ERP44: variants seen among roughly 807,000 people sequenced by gnomAD.
ERP44 encodes the protein endoplasmic reticulum resident protein 44.
A neutral mutation model predicts 53.4 loss-of-function variants in ERP44; 25 were observed. The ratio of observed to expected loss-of-function variants is 0.47; its 90% confidence interval spans 0.34 to 0.65. The LOEUF (loss-of-function observed/expected upper bound fraction) is 0.65. ERP44 is among the 30% of genes least tolerant of loss of function. The probability of loss-of-function intolerance (pLI) is 0.01; values close to 1 mark genes in which losing one functional copy is unlikely to be tolerated. For synonymous variants in ERP44, 145 were observed against 161.2 expected, an observed-to-expected ratio of 0.90 and a Z score of 0.76; for missense variants, 338 against 493.2, an observed-to-expected ratio of 0.69 and a Z score of 2.98.
intron 8 of ERP44, among the ~76,000 whole-genome samples, chr9:100,014,421 A>G (rs1280823292): frequency 6.6e-6 from 1 of 152,070 alleles, no homozygotes; most frequent in East Asian, 1.9e-4. Context: ...AGTAGCTGGG[A>G]TTACAGGCGC....
chr9:99,991,312 C>G lies in ERP44; in HGVS notation c.1017-6243G>C, dbSNP rs140934733. On this transcript the variant is annotated intron_variant, in intron 10 of 11. Coordinates refer to ENST00000262455, the MANE Select transcript of ERP44 (RefSeq NM_015051.3). ...ATAAAAGAACAGAAATCACAGCAAA[C>G]TGTCTCTCAGACCACAGTGCAATTA... Among the ~76,000 whole-genome samples the G allele has an allele frequency of 8.1e-3, 1,224 of 151,592 alleles. 20 individuals carry two copies. The highest frequency in any genetic ancestry group is 0.028 in the African/African-American group (1,161 of 41,386).
intron 6 of ERP44, 99 bp from the exon 7 acceptor site, chr9:100,018,412 T>A: frequency 1.3e-6 from 1 of 767,052 alleles, no homozygotes. Flanking sequence ...TCTTCCCTAT[T>A]ACAAGACTAT....
In ERP44 at chr9:100,060,117, T is replaced by G; in HGVS notation, c.113A>C (p.Asn38Thr). ...TTEITSLDTENIDEILNNADV... is the reference protein window; with the variant it reads ...TTEITSLDTETIDEILNNADV... ...GTACTTACTTAAAATTTCATCTATA[T>G]TCTCTGTATCAAGACTTGTTATTTC... is the stretch of plus-strand genomic sequence containing the variant. Residue 38 changes from asparagine (N) to threonine (T), a missense_variant, in exon 2 of 12, where the codon AAT (asparagine) becomes ACT (threonine). Around this residue, in one of 3 missense-constraint regions of ERP44, gnomAD observed 224 missense variants for 301.4 expected, o/e 0.74. Coordinates refer to ENST00000262455, the MANE Select transcript of ERP44 (RefSeq NM_015051.3). 6.7e-7 allele frequency: 1 copy of G among 1,487,096 alleles called. No individual in the cohort carries two copies. The highest frequency in any genetic ancestry group is 8.9e-7 in the Non-Finnish European group (1 of 1,119,954). The allele number at this position is 1,487,096 out of a possible 1,614,324, so 92.1% of individuals were successfully genotyped here.
At chr9:100,031,316 T>C (rs867324170) in intron 4 of ERP44, among the ~76,000 whole-genome samples, 1 of 152,212 alleles carries the variant, frequency 6.6e-6, no homozygotes, top group African/African-American at 2.4e-5. Context: ...TTGGGGTCCA[T>C]GTCATAGTTT....
In ERP44 at chr9:99,980,536, T is replaced by C. The variant is rs906654552; in HGVS notation, c.*2076A>G. The C allele has an allele frequency of 2.6e-5, 4 of 152,546 alleles. No individual in the cohort carries two copies. Among genetic ancestry groups the C allele is most frequent in the African/African-American group, 9.6e-5 (4 of 41,482 alleles). 9.4% of individuals were successfully genotyped at this position (152,546 alleles called of 1,614,324 possible). A position where few individuals can be genotyped will look rare whatever the true frequency, so the allele number is the denominator to read the frequency against. Reference sequence around the variant, plus strand: ...CTTTCATCCAAGCACTTGAGCTTAGTGACTTTTTATAAAATTAGGCACCAA... The same window carrying C: ...CTTTCATCCAAGCACTTGAGCTTAGCGACTTTTTATAAAATTAGGCACCAA... On this transcript the variant is annotated 3_prime_UTR_variant, in exon 12 of 12. Coordinates refer to ENST00000262455, the MANE Select transcript of ERP44 (RefSeq NM_015051.3).
Position 100,040,416 on chromosome 9 carries a change from CAT to C in ERP44, c.286+11999_286+12000del, listed in dbSNP as rs759510736. ...TATCAAGAAAATGAAGGATAAAAAA[CAT>C]ATGATTATTTCAATTGATGCTGAAA... On this transcript the variant is annotated intron_variant, in intron 4 of 11. Transcript: ENST00000262455. 3.2e-4 allele frequency among the ~76,000 whole-genome samples: 48 copies of C among 152,232 alleles called. 1 individual carries two copies. The highest frequency in any genetic ancestry group is 7.0e-4 in the African/African-American group (29 of 41,560).
At position 100,060,157 on chromosome 9, in the gene ERP44, T is replaced by G. The variant is rs541497512; in HGVS notation, c.73A>C (p.Thr25Pro). The change falls in exon 2 of 12, where the codon ACT becomes CCT. Residue 25 changes from threonine (T) to proline (P), a missense_variant. This residue lies in a region of ERP44 where 224 missense variants were observed against 301.4 expected (regional missense o/e 0.74). Coordinates refer to ENST00000262455, the MANE Select transcript of ERP44 (RefSeq NM_015051.3). The stretch of plus-strand genomic sequence containing the variant: ...CTTGTTATTTCAGTTGTTACAGGAG[T>G]AAAAACCCAAGTTACCTGAAAATTT... Reference protein sequence around the residue: ...SLLLLVTWVFTPVTTEITSLD... With the variant: ...SLLLLVTWVFPPVTTEITSLD... 2 of 1,494,074 alleles carry G rather than the reference T, an allele frequency of 1.3e-6. No homozygotes were observed. The highest frequency in any genetic ancestry group is 2.9e-5 in the African/African-American group (2 of 69,694). The allele number at this position is 1,494,074 out of a possible 1,614,324, so 92.6% of individuals were successfully genotyped here.
At chr9:100,072,516 TCTAA>T (rs997934525) in intron 1 of ERP44, among the ~76,000 whole-genome samples, 4 of 152,152 alleles carry the variant, frequency 2.6e-5, no homozygotes, top group African/African-American at 9.7e-5. Flanking sequence ...AAAAAAGTTC[TCTAA>T]CTCTCTCTTT....
chr9:100,068,731 C>T (rs867764446), intron 1 of ERP44, among the ~76,000 whole-genome samples: 62 of 149,870 alleles, frequency 4.1e-4, no homozygotes, highest in African/African-American at 1.4e-3. Flanking sequence ...TCTGCCCGGC[C>T]GCCCCTACTG....
intron 1 of ERP44, among the ~76,000 whole-genome samples, chr9:100,090,816 T>C (rs187830599): frequency 4.2e-4 from 64 of 152,238 alleles, no homozygotes; most frequent in African/African-American, 1.4e-3. Context: ...GTACTGTCTA[T>C]AGGACAAGAA....
intron 10 of ERP44, among the ~76,000 whole-genome samples, chr9:100,002,276 A>G (rs1485417789): frequency 6.6e-6 from 1 of 152,172 alleles, no homozygotes; most frequent in Non-Finnish European, 1.5e-5. Flanking sequence ...CTTCATACCA[A>G]AGCTATAAGT....
At chr9:100,020,590 A>G (rs1587965020) in intron 6 of ERP44, 26 bp downstream of exon 6, 3 of 1,237,638 alleles carry the variant, frequency 2.4e-6, no homozygotes, top group Non-Finnish European at 2.4e-6. Flanking sequence ...CCAACCCACT[A>G]ACACACTTTT....
At chr9:100,021,410 G>A (rs1407855432) in intron 5 of ERP44, among the ~76,000 whole-genome samples, 3 of 152,196 alleles carry the variant, frequency 2.0e-5, no homozygotes, top group East Asian at 1.9e-4. Context: ...GCTGTGATGT[G>A]AGCAATAAAG....
At chr9:100,077,718 C>CA (rs1422267425) in intron 1 of ERP44, among the ~76,000 whole-genome samples, 1 of 152,292 alleles carries the variant, frequency 6.6e-6, no homozygotes, top group East Asian at 1.9e-4. Context: ...ATCTTTAAGC[C>CA]AACAGGCTAA....
intron 11 of ERP44, among the ~76,000 whole-genome samples, chr9:99,983,711 C>T (rs1215960356): frequency 6.6e-6 from 1 of 152,172 alleles, no homozygotes; most frequent in Non-Finnish European, 1.5e-5. Context: ...TGTAATGGCA[C>T]ATTAATTCTA....
chr9:100,067,624 A>C (rs1826232839), intron 1 of ERP44, among the ~76,000 whole-genome samples: 1 of 151,804 alleles, frequency 6.6e-6, no homozygotes, highest in Non-Finnish European at 1.5e-5. Flanking sequence ...CCGTCTGGGA[A>C]GTGAGGAGCG....
Position 100,098,961 on chromosome 9 carries a change from G to T in ERP44, c.-121C>A, listed in dbSNP as rs926482724. Reference sequence around the variant, plus strand: ...GGCAGCGGAGGATTCTCCAGGCAGCGGCACCTCGTCCTCTCGACCCGGGCT... The same window carrying T: ...GGCAGCGGAGGATTCTCCAGGCAGCTGCACCTCGTCCTCTCGACCCGGGCT... On this transcript the variant is annotated 5_prime_UTR_variant, in exon 1 of 12. Transcript: ENST00000262455. The T allele has an allele frequency of 1.7e-5, 13 of 754,038 alleles. No individual in the cohort carries two copies. Among genetic ancestry groups the T allele is most frequent in the Non-Finnish European group, 2.7e-5 (12 of 445,776 alleles). 46.7% of individuals were successfully genotyped at this position (754,038 alleles called of 1,614,324 possible).
intron 1 of ERP44, among the ~76,000 whole-genome samples, chr9:100,066,139 C>T (rs1054550292): frequency 1.3e-5 from 2 of 152,140 alleles, no homozygotes; most frequent in Admixed American, 6.5e-5. Flanking sequence ...TTTTGGAAAG[C>T]AATTTTTTTT....
At chr9:100,096,703 GA>G (rs1483939922) in intron 1 of ERP44, among the ~76,000 whole-genome samples, 1 of 152,046 alleles carries the variant, frequency 6.6e-6, no homozygotes. Context: ...GCCATTTAAG[GA>G]AAAAATGATG....
Sources: gnomAD v4.1 joint callset for allele counts (sites outside exome capture counted in the v4.1 genomes callset) on GRCh38, gnomAD v4.1.1 for gene constraint, gnomAD v4.1.1 regional missense constraint, MANE v1.5 for transcripts, NCBI Gene and HGNC (gene_info 2026-07-23, HGNC 2026-07-21) for gene names.